VGLL4: variants seen among roughly 807,000 people sequenced by gnomAD.
VGLL4 encodes the protein transcription cofactor vestigial-like protein 4.
Under a neutral mutation model 21.0 loss-of-function variants are expected in VGLL4, and 7 were observed. The observed-to-expected ratio is 0.33, with a 90% confidence interval of 0.19 to 0.63. VGLL4 has a LOEUF of 0.63. VGLL4 is among the 20% of genes least tolerant of loss of function. The probability of loss-of-function intolerance (pLI) is 0.78; values close to 1 mark genes in which losing one functional copy is unlikely to be tolerated. For synonymous variants in VGLL4, 222 were observed against 173.2 expected (o/e 1.28, Z -2.21); for missense variants, 394 against 425.7 (o/e 0.93, Z 0.66).
chr3:11,634,764 G>A (rs1012776111), intron 1 of VGLL4, among the ~76,000 whole-genome samples: 49 of 151,688 alleles, frequency 3.2e-4, no homozygotes, highest in African/African-American at 1.1e-3. Flanking sequence ...TGCAACCGCC[G>A]CCTCCCAGGT....
chr3:11,692,790 C>T (rs1279939400), intron 2 of VGLL4, among the ~76,000 whole-genome samples: 1 of 152,114 alleles, frequency 6.6e-6, no homozygotes, highest in Non-Finnish European at 1.5e-5. Flanking sequence ...AATTAGGCAT[C>T]CAACTTCTCC....
chr3:11,585,627 A>T lies in VGLL4; in HGVS notation c.272+16206T>A, dbSNP rs566994613. On this transcript the variant is annotated intron_variant, in intron 2 of 4. Coordinates refer to ENST00000430365, the MANE Select transcript of VGLL4 (RefSeq NM_001128219.3). ...CCATGAATAAGATACTGGATTTTTT[A>T]AAAAAGTAAAACTGCTGGAATTGTT... is the stretch of plus-strand genomic sequence containing the variant. Among the ~76,000 whole-genome samples, 52 of 152,342 alleles carry T rather than the reference A, an allele frequency of 3.4e-4. 1 individual carries two copies. The highest frequency in any genetic ancestry group is 1.1e-3 in the African/African-American group (45 of 41,572).
chr3:11,578,506 T>G (rs2074123063), intron 2 of VGLL4, among the ~76,000 whole-genome samples: 1 of 151,840 alleles, frequency 6.6e-6, no homozygotes, highest in African/African-American at 2.4e-5. Flanking sequence ...GACCTCTGGT[T>G]CAATAAATTT....
At chr3:11,559,500 C>T in intron 3 of VGLL4, 45 bp from the exon 4 acceptor site, 1 of 1,502,126 alleles carries the variant, frequency 6.7e-7, no homozygotes, top group Non-Finnish European at 8.9e-7. Flanking sequence ...AGCTTCAGTA[C>T]CGGGCACCAC....
intron 2 of VGLL4, among the ~76,000 whole-genome samples, chr3:11,599,390 T>A (rs1296968584): frequency 1.3e-5 from 2 of 151,196 alleles, no homozygotes; most frequent in Non-Finnish European, 1.5e-5. Flanking sequence ...AAACTTTGCA[T>A]AATAATGTCA....
chr3:11,663,064 C>A (rs770199987), intron 2 of VGLL4, among the ~76,000 whole-genome samples: 1 of 152,068 alleles, frequency 6.6e-6, no homozygotes, highest in African/African-American at 2.4e-5. Context: ...GTTGGGAAAG[C>A]GAGGCAGCAG....
At chr3:11,597,814 G>T (rs1467746323) in intron 2 of VGLL4, among the ~76,000 whole-genome samples, 1 of 152,078 alleles carries the variant, frequency 6.6e-6, no homozygotes, top group African/African-American at 2.4e-5. Context: ...CTTTCTGTGT[G>T]GTGAGCAGCA....
At chr3:11,639,375 G>C (rs2075645774) in intron 1 of VGLL4, among the ~76,000 whole-genome samples, 1 of 152,224 alleles carries the variant, frequency 6.6e-6, no homozygotes. Context: ...CTTCCAGCGA[G>C]GCCGGTCACT....
chr3:11,644,845 CAAAAAAAA>C (rs11293808), upstream of VGLL4, among the ~76,000 whole-genome samples: 8 of 71,212 alleles, frequency 1.1e-4, no homozygotes, highest in East Asian at 3.0e-3. Context: ...GACTTTGTCT[CAAAAAAAA>C]AAAAAAAAAA....
intron 2 of VGLL4, among the ~76,000 whole-genome samples, chr3:11,590,904 C>A (rs1349505604): frequency 6.6e-6 from 1 of 152,118 alleles, no homozygotes; most frequent in Non-Finnish European, 1.5e-5. Context: ...CACACCTAGC[C>A]AAATTTGTTA....
At chr3:11,638,346 A>G (rs985188657) in intron 1 of VGLL4, among the ~76,000 whole-genome samples, 2 of 152,178 alleles carry the variant, frequency 1.3e-5, no homozygotes, top group Non-Finnish European at 1.5e-5. Flanking sequence ...AGCCAAGTAC[A>G]ATAATCTTTC....
intron 1 of VGLL4, among the ~76,000 whole-genome samples, chr3:11,641,994 C>A (rs1482058054): frequency 6.7e-6 from 1 of 149,810 alleles, no homozygotes; most frequent in Non-Finnish European, 1.5e-5. Flanking sequence ...AGAAGTTTTT[C>A]TTTCTTGTTG....
intron 2 of VGLL4, among the ~76,000 whole-genome samples, chr3:11,591,350 G>A (rs1030663448): frequency 6.6e-6 from 1 of 152,202 alleles, no homozygotes; most frequent in Non-Finnish European, 1.5e-5. Flanking sequence ...AACCACAGAG[G>A]CTAAAGCCTA....
chr3:11,697,048 G>A (rs899596865), intron 2 of VGLL4, among the ~76,000 whole-genome samples: 1 of 151,894 alleles, frequency 6.6e-6, no homozygotes, highest in Non-Finnish European at 1.5e-5. Flanking sequence ...AGCCAGTACT[G>A]TCTCTTAAAA....
intron 2 of VGLL4, among the ~76,000 whole-genome samples, chr3:11,566,587 T>A (rs1264476756): frequency 6.6e-6 from 1 of 152,156 alleles, no homozygotes; most frequent in African/African-American, 2.4e-5. Context: ...AATGTTGTGT[T>A]CCGTAGTTCC....
intron 1 of VGLL4, among the ~76,000 whole-genome samples, chr3:11,634,796 C>T (rs1476323814): frequency 6.6e-6 from 1 of 152,012 alleles, no homozygotes; most frequent in African/African-American, 2.4e-5. Context: ...TCCTGCCTCA[C>T]CCTCCCGAGT....
intron 2 of VGLL4, among the ~76,000 whole-genome samples, chr3:11,652,225 AACC>A (rs2075882624): frequency 6.6e-6 from 1 of 152,212 alleles, no homozygotes; most frequent in Admixed American, 6.5e-5. Context: ...TACAAAAATA[AACC>A]TTATTTTATT....
chr3:11,660,886 T>C (rs940226484), intron 2 of VGLL4, among the ~76,000 whole-genome samples: 2 of 152,190 alleles, frequency 1.3e-5, no homozygotes, highest in African/African-American at 4.8e-5. Flanking sequence ...TTAAACTTTA[T>C]GTTAACTGAA....
In VGLL4 at chr3:11,589,044, G is replaced by A. The variant is rs537725452; in HGVS notation, c.272+12789C>T. The stretch of plus-strand genomic sequence containing the variant: ...GAAGATCCTGAGGAGTGGCCACAGA[G>A]GTGGGAGGGGACCACAGAAAGCCAG... On this transcript the variant is annotated intron_variant, in intron 2 of 4. Coordinates refer to ENST00000430365, the MANE Select transcript of VGLL4 (RefSeq NM_001128219.3). Among the ~76,000 whole-genome samples the A allele has an allele frequency of 2.6e-5, 4 of 152,286 alleles. No individual in the cohort carries two copies. In the East Asian group the frequency reaches 5.8e-4, roughly 22 times the overall value.
Sources: gnomAD v4.1 joint callset for allele counts (sites outside exome capture counted in the v4.1 genomes callset) on GRCh38, gnomAD v4.1.1 for gene constraint, MANE v1.5 for transcripts, NCBI Gene and HGNC (gene_info 2026-07-23, HGNC 2026-07-21) for gene names.